The following ATXN2L variants were observed in gnomAD, a reference collection of about 807,000 sequenced individuals.
The protein encoded by ATXN2L is ataxin 2 like, also known as ataxin-2-like protein.
In ATXN2L, 24 loss-of-function variants were observed where a neutral mutation model predicts 120.7. The ratio of observed to expected loss-of-function variants is 0.20; its 90% confidence interval spans 0.14 to 0.28. The LOEUF (loss-of-function observed/expected upper bound fraction) is 0.28. Among genes scored for constraint, ATXN2L ranks in the 10% least tolerant of loss-of-function variants. The probability of loss-of-function intolerance (pLI) is 1.00; values close to 1 mark genes in which losing one functional copy is unlikely to be tolerated. For missense variants in ATXN2L, 1,312 were observed against 1,432.3 expected, an observed-to-expected ratio of 0.92 and a Z score of 1.36; for synonymous variants, 653 against 568.1, an observed-to-expected ratio of 1.15 and a Z score of -2.13.
Position 28,835,974 on chromosome 16 carries a change from C to T in ATXN2L, c.2937C>T (p.His979=), listed in dbSNP as rs951341786. 6.5e-7 allele frequency: 1 copy of T among 1,543,630 alleles called. No homozygotes were observed. The highest frequency in any genetic ancestry group is 1.4e-5 in the African/African-American group (1 of 72,528). Residue 979 remains histidine, a synonymous_variant, in exon 22 of 22, where the codon CAC becomes CAT. Coordinates refer to ENST00000336783, the MANE Select transcript of ATXN2L (RefSeq NM_007245.4). ...GAATCACAGCAGCCCCGCCCCCTCA[C>T]CCTGGGGCTCCCCACCCGCCCCAGG... ...QTGITAAPPP[H]PGAPHPPQVM...
In ATXN2L at chr16:28,832,384, C is replaced by G; in HGVS notation, c.1501C>G (p.Leu501Val). ...TTCTCCAGCTTCTCCAAAGATCTCCCTGGCCCCCACAGATGGTAAGAGCTA... is the reference window on the plus strand; with the variant it reads ...TTCTCCAGCTTCTCCAAAGATCTCCGTGGCCCCCACAGATGGTAAGAGCTA... ...SISPASPKISLAPTDVKELST... is the reference protein window; with the variant it reads ...SISPASPKISVAPTDVKELST... The change falls in exon 11 of 22, where the codon CTG (leucine) becomes GTG (valine). Residue 501 changes from leucine to valine, a missense_variant. Transcript: ENST00000336783. 1 of 1,614,164 alleles carries G rather than the reference C, an allele frequency of 6.2e-7. No homozygotes were observed. The highest frequency in any genetic ancestry group is 8.5e-7 in the Non-Finnish European group (1 of 1,180,008).
Position 28,833,456 on chromosome 16 carries a change from C to T in ATXN2L, c.1973C>T (p.Thr658Met), listed in dbSNP as rs2055283572. Residue 658 changes from threonine to methionine, a missense_variant, in exon 15 of 22, where the codon ACG becomes ATG. Transcript: ENST00000336783. ...GPVAEQVKKS[T>M]LNPNAKEFNP... ...TCTCACAGACAAGTAAAGAAATCAA[C>T]GTTGAACCCTAATGCTAAGGAGTTC... The T allele has an allele frequency of 1.2e-6, 2 of 1,614,174 alleles. No homozygotes were observed. The highest frequency in any genetic ancestry group is 1.7e-6 in the Non-Finnish European group (2 of 1,180,036).
chr16:28,823,610 G>T (rs2050384087), intron 1 of ATXN2L, 52 bp downstream of exon 1: 4 of 1,282,358 alleles, frequency 3.1e-6, no homozygotes, highest in East Asian at 3.2e-5. Flanking sequence ...AGAGGCTGTG[G>T]CTCGGTTCCG....
At chr16:28,833,623 G>A in intron 15 of ATXN2L, 115 bp downstream of exon 15, 2 of 1,109,946 alleles carry the variant, frequency 1.8e-6, no homozygotes, top group African/African-American at 1.6e-5. Flanking sequence ...CTGGCAGGCA[G>A]TGTGAGGAGA....
intron 16 of ATXN2L, 42 bp from the exon 17 acceptor site, chr16:28,834,301 C>T (rs766504445): frequency 2.5e-6 from 4 of 1,611,482 alleles, no homozygotes; most frequent in South Asian, 1.1e-5. Context: ...TCTGGGCATT[C>T]GTGAGCGAGT....
chr16:28,833,225 A>G lies in ATXN2L; in HGVS notation c.1826A>G (p.Lys609Arg), dbSNP rs138507497. ...KTESVSDKED[K>R]PPLAPSGGTE... ...GAGTCCGTATCGGATAAGGAGGACA[A>G]ACCACCCCTGGCACCATCAGGAGGC... is the stretch of plus-strand genomic sequence containing the variant. The change falls in exon 14 of 22, where the codon AAA becomes AGA. Residue 609 changes from lysine to arginine, a missense_variant. Coordinates refer to ENST00000336783, the MANE Select transcript of ATXN2L (RefSeq NM_007245.4). 4.6e-5 allele frequency: 75 copies of G among 1,614,022 alleles called. No homozygotes were observed. The African/African-American group carries it at 9.9e-4, about 21-fold the overall frequency.
intron 1 of ATXN2L, 39 bp from the exon 2 acceptor site, chr16:28,825,327 C>T (rs771185603): frequency 2.5e-6 from 4 of 1,604,030 alleles, no homozygotes; most frequent in African/African-American, 2.7e-5. Flanking sequence ...TCTAAGAGGG[C>T]TTGAACAGAC....
Position 28,836,162 on chromosome 16 carries a change from C to T in ATXN2L, c.3125C>T (p.Ala1042Val), listed in dbSNP as rs1304644086. 3.1e-6 allele frequency: 5 copies of T among 1,613,988 alleles called. No homozygotes were observed. Among genetic ancestry groups the T allele is most frequent in the Non-Finnish European group, 4.2e-6 (5 of 1,180,002 alleles). Residue 1042 changes from alanine (A) to valine (V), a missense_variant, in exon 22 of 22, where the codon GCC becomes GTC. Transcript: ENST00000336783. ...PGQAPGFPGG[A>V]DDRIREFSLA... ...CAGGCGCCTGGATTTCCAGGAGGAGCCGATGACAGGATTCGTGAGTTCTCA... is the reference window on the plus strand; with the variant it reads ...CAGGCGCCTGGATTTCCAGGAGGAGTCGATGACAGGATTCGTGAGTTCTCA...
chr16:28,829,753 A>G, intron 7 of ATXN2L, 105 bp from the exon 8 acceptor site: 1 of 1,237,000 alleles, frequency 8.1e-7, no homozygotes, highest in Non-Finnish European at 1.2e-6. Flanking sequence ...GGGATTAAAT[A>G]CTTCCATGCC....
intron 19 of ATXN2L, 22 bp downstream of exon 19, chr16:28,835,209 T>A (rs780229538): frequency 1.2e-6 from 2 of 1,608,808 alleles, no homozygotes; most frequent in Non-Finnish European, 1.7e-6. Context: ...GCCTGGTCCC[T>A]CTGCTCTGGG....
rs779104256 is a variant in ATXN2L, at chr16:28,829,942, C to T, written c.918C>T (p.Ser306=). ...AGTTGGCTCGAGAGATTGAATCAAGCCCCCAGTACCGCCTACGGATCGCCA... is the reference window on the plus strand; with the variant it reads ...AGTTGGCTCGAGAGATTGAATCAAGTCCCCAGTACCGCCTACGGATCGCCA... The part of the protein sequence containing the change: ...AAQLAREIES[S]PQYRLRIAME... The change falls in exon 8 of 22, where the codon AGC becomes AGT. Residue 306 remains serine (S), a synonymous_variant. Coordinates refer to ENST00000336783, the MANE Select transcript of ATXN2L (RefSeq NM_007245.4). 1 of 1,614,206 alleles carries T rather than the reference C, an allele frequency of 6.2e-7. No homozygotes were observed. The highest frequency in any genetic ancestry group is 8.5e-7 in the Non-Finnish European group (1 of 1,180,048).
At chr16:28,828,757 G>T (rs1248806562) in intron 6 of ATXN2L, among the ~76,000 whole-genome samples, 1 of 150,642 alleles carries the variant, frequency 6.6e-6, no homozygotes, top group African/African-American at 2.5e-5. Context: ...TTTTGTTTTT[G>T]TTTTTTTTGG....
intron 4 of ATXN2L, 42 bp from the exon 5 acceptor site, chr16:28,826,198 C>G (rs1376418902): frequency 3.1e-6 from 5 of 1,605,058 alleles, no homozygotes; most frequent in Non-Finnish European, 4.3e-6. Flanking sequence ...CTTCACTTTT[C>G]TTGAAACTGA....
At chr16:28,830,413 C>T (rs984607640) in intron 8 of ATXN2L, among the ~76,000 whole-genome samples, 1 of 152,062 alleles carries the variant, frequency 6.6e-6, no homozygotes, top group African/African-American at 2.4e-5. Context: ...TTGGTTGGCT[C>T]AGAGTTGATG....
At chr16:28,824,376 C>A (rs1362750099) in intron 1 of ATXN2L, 5 of 1,246,204 alleles carry the variant, frequency 4.0e-6, no homozygotes, top group African/African-American at 3.1e-5. Context: ...TCGGAAAGTC[C>A]CGTGGGTTTT....
chr16:28,824,996 C>T (rs1291217955), intron 1 of ATXN2L, among the ~76,000 whole-genome samples: 1 of 151,730 alleles, frequency 6.6e-6, no homozygotes, highest in Non-Finnish European at 1.5e-5. Context: ...ATCCCTTGAG[C>T]CCAAGGAGAT....
intron 4 of ATXN2L, 111 bp downstream of exon 4, chr16:28,825,952 C>A: frequency 9.1e-7 from 1 of 1,097,852 alleles, no homozygotes; most frequent in Non-Finnish European, 1.4e-6. Context: ...TTAGTTGTTT[C>A]TGTAGGCCTG....
At chr16:28,829,834 G>C in intron 7 of ATXN2L, 24 bp from the exon 8 acceptor site, 1 of 1,612,544 alleles carries the variant, frequency 6.2e-7, no homozygotes, top group Non-Finnish European at 8.5e-7. Context: ...CTGGGATGGT[G>C]GTGGTCTGTG....
chr16:28,829,539 C>A, intron 7 of ATXN2L, 47 bp downstream of exon 7: 1 of 1,374,140 alleles, frequency 7.3e-7, no homozygotes, highest in Non-Finnish European at 1.0e-6. Flanking sequence ...GATATGGGGT[C>A]ACTAAGTGAA....
Sources: allele counts gnomAD v4.1 joint callset (sites outside exome capture counted in the v4.1 genomes callset), GRCh38; gene constraint gnomAD v4.1.1; transcripts MANE v1.5; gene names NCBI Gene and HGNC (gene_info 2026-07-23, HGNC 2026-07-21).